CYREN: variants seen among roughly 807,000 people sequenced by gnomAD.
CYREN encodes cell cycle regulator of non-homologous end joining.
In CYREN, 7 loss-of-function variants were observed where a neutral mutation model predicts 9.7. That is an observed-to-expected ratio of 0.72 (90% CI 0.41 to 1.36). CYREN has a LOEUF of 1.36. Among genes scored for constraint, CYREN ranks in the 40% most tolerant of loss-of-function variants. CYREN has a pLI of 0.01. For missense variants in CYREN, 215 were observed against 198.1 expected (o/e 1.09, Z -0.51); for synonymous variants, 76 against 77.9 (o/e 0.98, Z 0.13).
In CYREN at chr7:135,166,418, C is replaced by T. The variant is rs1830136442; in HGVS notation, c.*193G>A. ...CATTTTGAGTCCTGCCTTCCGCACA[C>T]TCAGAACGGCAGCCCCAAGGCCCGG... On this transcript the variant is annotated 3_prime_UTR_variant, in exon 4 of 4. Transcript: ENST00000393114. The T allele has an allele frequency of 1.3e-6, 1 of 778,502 alleles. No individual in the cohort carries two copies. Among genetic ancestry groups the T allele is most frequent in the Admixed American group, 3.1e-5 (1 of 32,316 alleles). The allele number at this position is 778,502 out of a possible 1,614,324, so 48.2% of individuals were successfully genotyped here. A position where few individuals can be genotyped will look rare whatever the true frequency, so the allele number is the denominator to read the frequency against.
chr7:135,132,615 A>C (rs1828930300), intron 2 of CYREN, among the ~76,000 whole-genome samples: 1 of 152,204 alleles, frequency 6.6e-6, no homozygotes, highest in Non-Finnish European at 1.5e-5. Context: ...AGGCAGGGTC[A>C]GGTGGAGATA....
intron 2 of CYREN, among the ~76,000 whole-genome samples, chr7:135,152,213 G>A (rs1275986643): frequency 1.3e-5 from 2 of 152,250 alleles, no homozygotes; most frequent in Admixed American, 6.5e-5. Context: ...GCTGGTGAAT[G>A]GAAGAGCAGA....
intron 2 of CYREN, among the ~76,000 whole-genome samples, chr7:135,138,452 A>G (rs920605569): frequency 6.6e-6 from 1 of 152,034 alleles, no homozygotes; most frequent in Non-Finnish European, 1.5e-5. Flanking sequence ...ACTACCAAAG[A>G]AGCAAGTGGT....
chr7:135,144,967 A>AAAG (rs1585335388), intron 2 of CYREN, among the ~76,000 whole-genome samples: 6 of 136,502 alleles, frequency 4.4e-5, no homozygotes, highest in Non-Finnish European at 4.8e-5. Context: ...AAAAAAAAAA[A>AAAG]AAGAAGAGGA....
chr7:135,119,160 T>C (rs902363846), intron 2 of CYREN, among the ~76,000 whole-genome samples: 5 of 151,556 alleles, frequency 3.3e-5, no homozygotes, highest in African/African-American at 1.2e-4. Flanking sequence ...CATAAACCTA[T>C]AGATCAAAAA....
At chr7:135,101,304 A>G (rs1351476992) in intron 2 of CYREN, 1 of 454,370 alleles carries the variant, frequency 2.2e-6, no homozygotes, top group East Asian at 7.0e-5. Flanking sequence ...ATTGTTTAAG[A>G]TTTTCATGCA....
chr7:135,167,671 G>A, intron 3 of CYREN, 61 bp downstream of exon 3: 2 of 1,603,114 alleles, frequency 1.2e-6, no homozygotes, highest in South Asian at 2.2e-5. Context: ...CGGTGACCAA[G>A]GGTCTAGCCT....
intron 2 of CYREN, among the ~76,000 whole-genome samples, chr7:135,097,630 C>A (rs1273097524): frequency 6.6e-6 from 1 of 152,080 alleles, no homozygotes; most frequent in Non-Finnish European, 1.5e-5. Context: ...GATTTGCTAG[C>A]CTGTGACATT....
intron 2 of CYREN, among the ~76,000 whole-genome samples, chr7:135,140,826 T>C (rs1829439242): frequency 6.6e-6 from 1 of 152,190 alleles, no homozygotes; most frequent in Non-Finnish European, 1.5e-5. Context: ...GATCAATAGA[T>C]GCAGGAAAGA....
downstream of CYREN, among the ~76,000 whole-genome samples, chr7:135,161,990 C>A (rs997577772): frequency 6.6e-6 from 1 of 152,256 alleles, no homozygotes; most frequent in African/African-American, 2.4e-5. The surrounding 1 kb of genome is among the most constrained non-coding windows in gnomAD (Gnocchi z 4.1). Flanking sequence ...CAGGCCCCAG[C>A]TCTCCATCAG....
intron 2 of CYREN, among the ~76,000 whole-genome samples, chr7:135,157,462 TG>T (rs1420125861): frequency 6.6e-6 from 1 of 152,162 alleles, no homozygotes; most frequent in Non-Finnish European, 1.5e-5. Flanking sequence ...GTGGCAACAG[TG>T]GGGTAAGTGT....
chr7:135,092,917 A>T (rs996450125), exon 3 of CYREN: 41 of 152,108 alleles, frequency 2.7e-4, no homozygotes, highest in African/African-American at 9.6e-4. Flanking sequence ...TAGAATATAA[A>T]GAAAAAGGCA....
intron 2 of CYREN, 158 bp downstream of exon 2, chr7:135,168,628 C>G: frequency 8.3e-7 from 1 of 1,200,458 alleles, no homozygotes; most frequent in African/African-American, 1.5e-5. Flanking sequence ...TGCCTCCCGC[C>G]CACAGCCCCT....
At position 135,169,691 on chromosome 7, in the gene CYREN, C is replaced by T. The variant is rs1049724676; in HGVS notation, c.-138-631G>A. 2.0e-5 allele frequency: 3 copies of T among 152,254 alleles called. No individual in the cohort carries two copies. In the East Asian group the frequency reaches 5.8e-4, roughly 29 times the overall value. 9.4% of individuals were successfully genotyped at this position (152,254 alleles called of 1,614,324 possible). ...TTTCCCTATCCCAATTGTTCTGCCT[C>T]CACTCAGCAGTCCTGGAGCTCAGTC... On this transcript the variant is annotated intron_variant, in intron 1 of 3. Coordinates refer to ENST00000393114, the MANE Select transcript of CYREN (RefSeq NM_024033.4).
intron 2 of CYREN, among the ~76,000 whole-genome samples, chr7:135,141,661 T>A (rs886373036): frequency 3.9e-5 from 6 of 152,124 alleles, no homozygotes; most frequent in African/African-American, 1.4e-4. Context: ...AAATGTGAGA[T>A]CTTTCTTTTG....
chr7:135,158,157 G>A (rs1395012667), intron 2 of CYREN, among the ~76,000 whole-genome samples: 2 of 152,026 alleles, frequency 1.3e-5, no homozygotes, highest in African/African-American at 4.8e-5. Context: ...TGGCACCTTG[G>A]GCCTGTGACC....
At chr7:135,115,516 G>A in intron 2 of CYREN, 1 of 1,551,494 alleles carries the variant, frequency 6.4e-7, no homozygotes, top group Non-Finnish European at 8.7e-7. Context: ...AAATATTGCA[G>A]TATTTGCTCC....
Position 135,167,797 on chromosome 7 carries a change from T to C in CYREN, c.148A>G (p.Thr50Ala). The C allele has an allele frequency of 6.2e-7, 1 of 1,614,194 alleles. No homozygotes were observed. The highest frequency in any genetic ancestry group is 8.5e-7 in the Non-Finnish European group (1 of 1,180,034). ...TCATTCATGCAGTACACAGTCCTTG[T>C]CGCAGGGAGTCTGAAAAAAAGACAT... The part of the protein sequence containing the change: ...VPVAAARLPA[T>A]RTVYCMNEAE... Residue 50 changes from threonine to alanine, a missense_variant, in exon 3 of 4, where the codon ACA (threonine) becomes GCA (alanine). Thr to Ala is a moderately conservative substitution (Grantham distance 58). Coordinates refer to ENST00000393114, the MANE Select transcript of CYREN (RefSeq NM_024033.4).
intron 3 of CYREN, 70 bp downstream of exon 3, chr7:135,167,662 G>T: frequency 6.3e-7 from 1 of 1,593,866 alleles, no homozygotes; most frequent in Non-Finnish European, 8.5e-7. Flanking sequence ...TCTTACTGAC[G>T]GTGACCAAGG....
Sources: allele counts gnomAD v4.1 joint callset (sites outside exome capture counted in the v4.1 genomes callset), GRCh38; gene constraint gnomAD v4.1.1; non-coding constraint Gnocchi (gnomAD v3.1); transcripts MANE v1.5; gene names NCBI Gene and HGNC (gene_info 2026-07-23, HGNC 2026-07-21).